TPPP3: variants seen among roughly 807,000 people sequenced by gnomAD.
The protein encoded by TPPP3 is tubulin polymerization promoting protein family member 3.
Under a neutral mutation model 13.1 loss-of-function variants are expected in TPPP3, and 7 were observed. The ratio of observed to expected loss-of-function variants is 0.54; its 90% CI spans 0.30 to 1.01. The LOEUF (loss-of-function observed/expected upper bound fraction) is 1.01, where lower values mean the gene tolerates loss of function less well. Ranked by LOEUF, TPPP3 falls within the 50% of genes least tolerant of loss-of-function variation. The probability of loss-of-function intolerance (pLI) is 0.06; values close to 1 mark genes in which losing one functional copy is unlikely to be tolerated. For synonymous variants in TPPP3, 87 were observed against 93.7 expected (o/e 0.93, Z 0.41); for missense variants, 185 against 235.0 (o/e 0.79, Z 1.39).
chr16:67,393,016 A>T lies in TPPP3; in HGVS notation c.-7+364T>A, dbSNP rs1485622477. On this transcript the variant is annotated intron_variant, in intron 1 of 3. Coordinates refer to ENST00000393957, the MANE Select transcript of TPPP3 (RefSeq NM_015964.4). The surrounding 1 kb of genome is among the most constrained non-coding windows in gnomAD (Gnocchi z 5.4). Reference sequence around the variant, plus strand: ...GGTGCTTGGCCCAAGCACTGGGCGGATCCTGCGTGCAGTGCTCACTCCTGT... The same window carrying T: ...GGTGCTTGGCCCAAGCACTGGGCGGTTCCTGCGTGCAGTGCTCACTCCTGT... 2 of 985,298 alleles carry T rather than the reference A, an allele frequency of 2.0e-6. No individual in the cohort carries two copies. Among genetic ancestry groups the T allele is most frequent in the African/African-American group, 3.5e-5 (2 of 57,212 alleles). 61.0% of individuals were successfully genotyped at this position (985,298 alleles called of 1,614,324 possible).
chr16:67,393,255 G>T lies in TPPP3; in HGVS notation c.-7+125C>A, dbSNP rs748967219. On this transcript the variant is annotated intron_variant, in intron 1 of 3. Transcript: ENST00000393957. This position sits in a 1 kb window ranked among gnomAD's most constrained non-coding sequence, Gnocchi z 5.4. Reference sequence around the variant, plus strand: ...GAATGCTTGGGGCCAGGGCAGGGCCGCTCAGCTGGCTCCTCGGCTGGGACC... The same window carrying T: ...GAATGCTTGGGGCCAGGGCAGGGCCTCTCAGCTGGCTCCTCGGCTGGGACC... 3 of 890,150 alleles carry T rather than the reference G, an allele frequency of 3.4e-6. No homozygotes were observed. In the South Asian group the frequency reaches 1.5e-4, roughly 46 times the overall value. 55.1% of individuals were successfully genotyped at this position (890,150 alleles called of 1,614,324 possible). A position where few individuals can be genotyped will look rare whatever the true frequency, so the allele number is the denominator to read the frequency against.
In TPPP3 at chr16:67,393,403, C is replaced by T; in HGVS notation, c.-30G>A. ...ACCTCGCGGCTGCTCCTGAAGTGTG[C>T]GTTCGGAAGGACAGAACGACGCAGG... On this transcript the variant is annotated 5_prime_UTR_variant, in exon 1 of 4. Coordinates refer to ENST00000393957, the MANE Select transcript of TPPP3 (RefSeq NM_015964.4). The surrounding 1 kb of genome is among the most constrained non-coding windows in gnomAD (Gnocchi z 5.4). 1 of 985,566 alleles carries T rather than the reference C, an allele frequency of 1.0e-6. No homozygotes were observed. The highest frequency in any genetic ancestry group is 1.2e-6 in the Non-Finnish European group (1 of 830,036). The allele number at this position is 985,566 out of a possible 1,614,324, so 61.1% of individuals were successfully genotyped here. A position where few individuals can be genotyped will look rare whatever the true frequency, so the allele number is the denominator to read the frequency against.
rs1238566589 is a variant in TPPP3 at position 67,391,113 on chromosome 16, C to A, written c.-2G>T. The A allele has an allele frequency of 1.2e-6, 2 of 1,613,732 alleles. No individual in the cohort carries two copies. Among genetic ancestry groups the A allele is most frequent in the Non-Finnish European group, 1.7e-6 (2 of 1,179,910 alleles). On this transcript the variant is annotated 5_prime_UTR_variant, in exon 2 of 4. Transcript: ENST00000393957. The surrounding 1 kb of genome is among the most constrained non-coding windows in gnomAD (Gnocchi z 6.3). ...AGCCATGTCTGTGCTCGCTGCCATG[C>A]CACCCTATAGAGACCCACCTGGGTC... is the stretch of plus-strand genomic sequence containing the variant.
At position 67,390,196 on chromosome 16, in the gene TPPP3, T is replaced by C; in HGVS notation, c.509A>G (p.Tyr170Cys). 6.2e-7 allele frequency: 1 copy of C among 1,614,208 alleles called. No individual in the cohort carries two copies. Among genetic ancestry groups the C allele is most frequent in the Non-Finnish European group, 8.5e-7 (1 of 1,179,998 alleles). The change falls in exon 4 of 4, where the codon TAC becomes TGC. Residue 170 changes from tyrosine to cysteine, a missense_variant. Tyr to Cys is a radical substitution (Grantham distance 194). Transcript: ENST00000393957. The surrounding 1 kb of genome is among the most constrained non-coding windows in gnomAD (Gnocchi z 6.4). Reference protein sequence around the residue: ...YVSAYKNAGTYDAKVKK With the variant: ...YVSAYKNAGTCDAKVKK ...GCCTCACTTCTTCACCTTGGCATCG[T>C]AGGTGCCTGCATTCTTGTAGGCGCT... is the stretch of plus-strand genomic sequence containing the variant.
At position 67,390,252 on chromosome 16, in the gene TPPP3, C is replaced by T; in HGVS notation, c.453G>A (p.Arg151=). ...AGCCACTGTCGTCCAGGATGTCCTG[C>T]CGTCCCGCAATGCCCTTGCCCTTGC... ...ESGKGKGIAG[R]QDILDDSGYV... is the part of the protein sequence containing the mutation. The change falls in exon 4 of 4, where the codon CGG becomes CGA. Residue 151 remains arginine (R), a synonymous_variant. Transcript: ENST00000393957. The surrounding 1 kb of genome is among the most constrained non-coding windows in gnomAD (Gnocchi z 6.4). The T allele has an allele frequency of 6.2e-7, 1 of 1,614,258 alleles. No individual in the cohort carries two copies. The highest frequency in any genetic ancestry group is 1.7e-5 in the Admixed American group (1 of 60,032).
In TPPP3 at chr16:67,393,414, A is replaced by G; in HGVS notation, c.-41T>C. 2.0e-6 allele frequency: 2 copies of G among 985,538 alleles called. No individual in the cohort carries two copies. The highest frequency in any genetic ancestry group is 9.4e-5 in the South Asian group (2 of 21,292). The allele number at this position is 985,538 out of a possible 1,614,324, so 61.0% of individuals were successfully genotyped here. A position where few individuals can be genotyped will look rare whatever the true frequency, so the allele number is the denominator to read the frequency against. On this transcript the variant is annotated 5_prime_UTR_variant, in exon 1 of 4. Transcript: ENST00000393957. The surrounding 1 kb of genome is among the most constrained non-coding windows in gnomAD (Gnocchi z 5.4). ...GCTCCTGAAGTGTGCGTTCGGAAGGACAGAACGACGCAGGAATGGACCGAT... is the reference window on the plus strand; with the variant it reads ...GCTCCTGAAGTGTGCGTTCGGAAGGGCAGAACGACGCAGGAATGGACCGAT...
Position 67,389,943 on chromosome 16 carries a change from C to T in TPPP3, c.*231G>A. ...GGTTGGGGTCATGAGGCTACAGGCA[C>T]AGACTGTCCCCAGGTGGACAGAAGT... On this transcript the variant is annotated 3_prime_UTR_variant, in exon 4 of 4. Transcript: ENST00000393957. 1 of 568,702 alleles carries T rather than the reference C, an allele frequency of 1.8e-6. No homozygotes were observed. The allele number at this position is 568,702 out of a possible 1,614,324, so 35.2% of individuals were successfully genotyped here.
chr16:67,391,253 G>A lies in TPPP3; in HGVS notation c.-6-136C>T. The A allele has an allele frequency of 1.1e-6, 1 of 904,118 alleles. No homozygotes were observed. Among genetic ancestry groups the A allele is most frequent in the South Asian group, 1.7e-5 (1 of 58,170 alleles). 56.0% of individuals were successfully genotyped at this position (904,118 alleles called of 1,614,324 possible). The stretch of plus-strand genomic sequence containing the variant: ...ACAGAGTTGGTGCTGGAGCTGCCTG[G>A]GGAGAGGGGCCCGTCACTGTCGCCC... On this transcript the variant is annotated intron_variant, in intron 1 of 3. Coordinates refer to ENST00000393957, the MANE Select transcript of TPPP3 (RefSeq NM_015964.4). The surrounding 1 kb of genome is among the most constrained non-coding windows in gnomAD (Gnocchi z 6.3).
Position 67,389,949 on chromosome 16 carries a change from G to C in TPPP3, c.*225C>G. On this transcript the variant is annotated 3_prime_UTR_variant, in exon 4 of 4. Coordinates refer to ENST00000393957, the MANE Select transcript of TPPP3 (RefSeq NM_015964.4). ...GGTCATGAGGCTACAGGCACAGACTGTCCCCAGGTGGACAGAAGTTGGAGC... is the reference window on the plus strand; with the variant it reads ...GGTCATGAGGCTACAGGCACAGACTCTCCCCAGGTGGACAGAAGTTGGAGC... 1 of 578,410 alleles carries C rather than the reference G, an allele frequency of 1.7e-6. No homozygotes were observed. Among genetic ancestry groups the C allele is most frequent in the Non-Finnish European group, 3.1e-6 (1 of 324,514 alleles). The allele number at this position is 578,410 out of a possible 1,614,324, so 35.8% of individuals were successfully genotyped here.
At position 67,392,992 on chromosome 16, in the gene TPPP3, G is replaced by T; in HGVS notation, c.-7+388C>A. On this transcript the variant is annotated intron_variant, in intron 1 of 3. Coordinates refer to ENST00000393957, the MANE Select transcript of TPPP3 (RefSeq NM_015964.4). The surrounding 1 kb of genome is among the most constrained non-coding windows in gnomAD (Gnocchi z 4.9). ...TCCAGGGGAGCTTGGATGCCACAGGGTGCTTGGCCCAAGCACTGGGCGGAT... is the reference window on the plus strand; with the variant it reads ...TCCAGGGGAGCTTGGATGCCACAGGTTGCTTGGCCCAAGCACTGGGCGGAT... 1.0e-6 allele frequency: 1 copy of T among 985,504 alleles called. No individual in the cohort carries two copies. The highest frequency in any genetic ancestry group is 1.2e-6 in the Non-Finnish European group (1 of 829,972). The allele number at this position is 985,504 out of a possible 1,614,324, so 61.0% of individuals were successfully genotyped here. A position where few individuals can be genotyped will look rare whatever the true frequency, so the allele number is the denominator to read the frequency against.
In TPPP3 at chr16:67,390,879, C is replaced by T. The variant is rs368337081; in HGVS notation, c.188+45G>A. 4 of 1,589,602 alleles carry T rather than the reference C, an allele frequency of 2.5e-6. No individual in the cohort carries two copies. The highest frequency in any genetic ancestry group is 3.4e-6 in the Non-Finnish European group (4 of 1,164,214). On this transcript the variant is annotated intron_variant, in intron 2 of 3. Coordinates refer to ENST00000393957, the MANE Select transcript of TPPP3 (RefSeq NM_015964.4). This position sits in a 1 kb window ranked among gnomAD's most constrained non-coding sequence, Gnocchi z 6.4. Reference sequence around the variant, plus strand: ...CTCCCTGGTTCCAGCCCCCCAGTTCCCCACCTCCTGGGAACATGAGAAGCA... The same window carrying T: ...CTCCCTGGTTCCAGCCCCCCAGTTCTCCACCTCCTGGGAACATGAGAAGCA...
At position 67,391,010 on chromosome 16, in the gene TPPP3, G is replaced by C. The variant is rs751346772; in HGVS notation, c.102C>G (p.Asn34Lys). ...TGCAGTCCTTGCACAGCTTGGCCCA[G>C]TTCTTGCCATTCATCTCTTGCCCAC... ...KASGQEMNGK[N>K]WAKLCKDCKV... Residue 34 changes from asparagine (N) to lysine (K), a missense_variant, in exon 2 of 4, where the codon AAC becomes AAG. Asn to Lys is a moderately conservative substitution (Grantham distance 94). Transcript: ENST00000393957. This position sits in a 1 kb window ranked among gnomAD's most constrained non-coding sequence, Gnocchi z 6.3. The C allele has an allele frequency of 6.2e-7, 1 of 1,614,242 alleles. No individual in the cohort carries two copies. Among genetic ancestry groups the C allele is most frequent in the Non-Finnish European group, 8.5e-7 (1 of 1,180,048 alleles).
At position 67,390,335 on chromosome 16, in the gene TPPP3, G is replaced by A. The variant is rs1053917753; in HGVS notation, c.370C>T (p.Arg124Trp). 9.9e-6 allele frequency: 16 copies of A among 1,613,896 alleles called. No homozygotes were observed. In the East Asian group the frequency reaches 1.6e-4, roughly 16 times the overall value. The change falls in exon 4 of 4, where the codon CGG becomes TGG. Residue 124 changes from arginine to tryptophan, a missense_variant. Coordinates refer to ENST00000393957, the MANE Select transcript of TPPP3 (RefSeq NM_015964.4). The surrounding 1 kb of genome is among the most constrained non-coding windows in gnomAD (Gnocchi z 6.4). ...GTGTATCTGCTGGTGTCCGTCAGCC[G>A]GTCTACAGCACCCCCTGTTTTTGCT... ...TKAKTGGAVD[R>W]LTDTSRYTGS...
chr16:67,390,744 G>C lies in TPPP3; in HGVS notation c.189-112C>G. On this transcript the variant is annotated intron_variant, in intron 2 of 3. Coordinates refer to ENST00000393957, the MANE Select transcript of TPPP3 (RefSeq NM_015964.4). The surrounding 1 kb of genome is among the most constrained non-coding windows in gnomAD (Gnocchi z 6.4). Reference sequence around the variant, plus strand: ...TTATGCAATTGCGTTTCTTTCCCACGTTTGGGGAAGTCGCAGGGGTCAGCA... The same window carrying C: ...TTATGCAATTGCGTTTCTTTCCCACCTTTGGGGAAGTCGCAGGGGTCAGCA... 1 of 1,497,178 alleles carries C rather than the reference G, an allele frequency of 6.7e-7. No individual in the cohort carries two copies. Among genetic ancestry groups the C allele is most frequent in the Non-Finnish European group, 8.9e-7 (1 of 1,119,312 alleles). 92.7% of individuals were successfully genotyped at this position (1,497,178 alleles called of 1,614,324 possible).
Position 67,390,907 on chromosome 16 carries a change from G to T in TPPP3, c.188+17C>A, listed in dbSNP as rs1490256323. ...ACCTCCTGGGAACATGAGAAGCAGGGGCTGCTTAGGGCTCACTTGACTTTG... is the reference window on the plus strand; with the variant it reads ...ACCTCCTGGGAACATGAGAAGCAGGTGCTGCTTAGGGCTCACTTGACTTTG... On this transcript the variant is annotated intron_variant, in intron 2 of 3. Coordinates refer to ENST00000393957, the MANE Select transcript of TPPP3 (RefSeq NM_015964.4). This position sits in a 1 kb window ranked among gnomAD's most constrained non-coding sequence, Gnocchi z 6.4. 2 of 1,609,066 alleles carry T rather than the reference G, an allele frequency of 1.2e-6. No homozygotes were observed. The highest frequency in any genetic ancestry group is 2.2e-5 in the South Asian group (2 of 90,846).
At position 67,391,128 on chromosome 16, in the gene TPPP3, C is replaced by T; in HGVS notation, c.-6-11G>A. 1 of 1,612,068 alleles carries T rather than the reference C, an allele frequency of 6.2e-7. No individual in the cohort carries two copies. Among genetic ancestry groups the T allele is most frequent in the Non-Finnish European group, 8.5e-7 (1 of 1,178,712 alleles). On this transcript the variant is annotated splice_polypyrimidine_tract_variant and intron_variant, in intron 1 of 3. Transcript: ENST00000393957. The surrounding 1 kb of genome is among the most constrained non-coding windows in gnomAD (Gnocchi z 6.3). ...CGCTGCCATGCCACCCTATAGAGAC[C>T]CACCTGGGTCATCTCCCAGCCAATC...
rs2040331503 is a variant in TPPP3, at chr16:67,391,883, A to G, written c.-6-766T>C. 1 of 152,208 alleles carries G rather than the reference A, an allele frequency of 6.6e-6. No individual in the cohort carries two copies. The highest frequency in any genetic ancestry group is 1.5e-5 in the Non-Finnish European group (1 of 68,178). 9.4% of individuals were successfully genotyped at this position (152,208 alleles called of 1,614,324 possible). ...GGGCCCACGGGTGGGGCACGCCAGC[A>G]CTCCCTGCGCCTAGGGCATAACCGT... On this transcript the variant is annotated intron_variant, in intron 1 of 3. Coordinates refer to ENST00000393957, the MANE Select transcript of TPPP3 (RefSeq NM_015964.4). This position sits in a 1 kb window ranked among gnomAD's most constrained non-coding sequence, Gnocchi z 6.3.
Position 67,390,342 on chromosome 16 carries a change from A to G in TPPP3, c.363T>C (p.Ala121=). ...VGVTKAKTGG[A]VDRLTDTSRY... ...TGCTGGTGTCCGTCAGCCGGTCTAC[A>G]GCACCCCCTGTTTTTGCTTTCTGTT... The change falls in exon 4 of 4, where the codon GCT becomes GCC. Residue 121 remains alanine (A), a synonymous_variant. Coordinates refer to ENST00000393957, the MANE Select transcript of TPPP3 (RefSeq NM_015964.4). This position sits in a 1 kb window ranked among gnomAD's most constrained non-coding sequence, Gnocchi z 6.4. 1 of 1,613,926 alleles carries G rather than the reference A, an allele frequency of 6.2e-7. No homozygotes were observed. The highest frequency in any genetic ancestry group is 8.5e-7 in the Non-Finnish European group (1 of 1,179,890).
rs2040318129 is a variant in TPPP3 at position 67,390,812 on chromosome 16, A to C, written c.188+112T>G. 1 of 1,415,444 alleles carries C rather than the reference A, an allele frequency of 7.1e-7. No individual in the cohort carries two copies. The highest frequency in any genetic ancestry group is 9.5e-7 in the Non-Finnish European group (1 of 1,054,634). The allele number at this position is 1,415,444 out of a possible 1,614,324, so 87.7% of individuals were successfully genotyped here. On this transcript the variant is annotated intron_variant, in intron 2 of 3. Coordinates refer to ENST00000393957, the MANE Select transcript of TPPP3 (RefSeq NM_015964.4). This position sits in a 1 kb window ranked among gnomAD's most constrained non-coding sequence, Gnocchi z 6.4. Reference sequence around the variant, plus strand: ...ATATAAGGTTTGCCCTGGAAGAACGACCTTCGTGATCATGGTGTTTCCCTG... The same window carrying C: ...ATATAAGGTTTGCCCTGGAAGAACGCCCTTCGTGATCATGGTGTTTCCCTG...
Sources: allele counts gnomAD v4.1 joint callset, GRCh38; gene constraint gnomAD v4.1.1; non-coding constraint Gnocchi (gnomAD v3.1); transcripts MANE v1.5; gene names NCBI Gene and HGNC (gene_info 2026-07-23, HGNC 2026-07-21).